Variants in EXTL3 observed in about 807,000 individuals in gnomAD.
The protein encoded by EXTL3 is exostosin-like 3.
EXTL3 carries 27 observed loss-of-function variants against 69.3 expected under a neutral mutation model. The ratio of observed to expected loss-of-function variants is 0.39; its 90% CI spans 0.29 to 0.54. EXTL3 has a LOEUF of 0.54. Ranked by LOEUF, EXTL3 falls within the 20% of genes least tolerant of loss-of-function variation. The pLI, the probability that EXTL3 is intolerant of heterozygous loss-of-function variation, is 0.69. For synonymous variants in EXTL3, 511 were observed against 499.4 expected (o/e 1.02, Z -0.31); for missense variants, 1,003 against 1,231.8 (o/e 0.81, Z 2.78).
At chr8:28,643,463 G>A (rs142689043) in intron 1 of EXTL3, among the ~76,000 whole-genome samples, 1,994 of 143,978 alleles carry the variant, frequency 0.014, 50 homozygotes, top group African/African-American at 0.051. Flanking sequence ...CGCCCAGGCC[G>A]GACTGCAGTG....
At chr8:28,738,266 C>T (rs949589921) in intron 5 of EXTL3, among the ~76,000 whole-genome samples, 1 of 152,136 alleles carries the variant, frequency 6.6e-6, no homozygotes, top group African/African-American at 2.4e-5. Context: ...TAAAGTGGCC[C>T]CTGACCACAA....
Position 28,743,126 on chromosome 8 carries a change from TC to T in EXTL3, c.2464del (p.Arg822GlyfsTer15). 2 of 1,614,174 alleles carry T rather than the reference TC, an allele frequency of 1.2e-6. No individual in the cohort carries two copies. Among genetic ancestry groups the T allele is most frequent in the Non-Finnish European group, 1.7e-6 (2 of 1,179,970 alleles). On this transcript the variant is annotated frameshift_variant, in exon 6 of 7. Coordinates refer to ENST00000220562, the MANE Select transcript of EXTL3 (RefSeq NM_001440.4). LOFTEE classifies it high-confidence loss of function. Reference protein sequence around the residue: ...YLYSYVMPQAIRDMVDEYINC... With the variant: ...YLYSYVMPQAXRDMVDEYINC... ...TATTCTTATGTGATGCCCCAGGCCA[TC>T]CGGGACATGGTGGATGAATACATCA... is the stretch of plus-strand genomic sequence containing the variant.
At chr8:28,730,625 C>G (rs1801515655) in intron 3 of EXTL3, among the ~76,000 whole-genome samples, 2 of 152,172 alleles carry the variant, frequency 1.3e-5, no homozygotes, top group Admixed American at 1.3e-4. Context: ...TTGGGATTTG[C>G]TGAAGACGCA....
chr8:28,716,727 G>A lies in EXTL3; in HGVS notation c.668G>A (p.Arg223Gln), dbSNP rs770418802. ...AAGCAGGCTTTTCAGGCGACAGCAC[G>A]AGCTAACGTTTATGTTACAGAAAAT... ...LVKQAFQATA[R>Q]ANVYVTENAD... The change falls in exon 3 of 7, where the codon CGA becomes CAA. Residue 223 changes from arginine to glutamine, a missense_variant. Arg to Gln is a conservative substitution (Grantham distance 43). Coordinates refer to ENST00000220562, the MANE Select transcript of EXTL3 (RefSeq NM_001440.4). The surrounding 1 kb of genome is among the most constrained non-coding windows in gnomAD (Gnocchi z 7.1). 10 of 1,614,098 alleles carry A rather than the reference G, an allele frequency of 6.2e-6. No homozygotes were observed. The highest frequency in any genetic ancestry group is 1.3e-5 in the African/African-American group (1 of 74,928).
intron 2 of EXTL3, among the ~76,000 whole-genome samples, chr8:28,611,613 C>T (rs900837113): frequency 7.9e-5 from 12 of 152,098 alleles, no homozygotes; most frequent in African/African-American, 2.7e-4. Flanking sequence ...GCTTTCACAG[C>T]GAGAGGGGTG....
chr8:28,716,696 T>G lies in EXTL3; in HGVS notation c.637T>G (p.Leu213Val), dbSNP rs569422474. ...QFVFGSYLDP[L>V]VKQAFQATAR... The stretch of plus-strand genomic sequence containing the variant: ...TGTCTTTGGCAGCTACCTGGATCCC[T>G]TGGTCAAGCAGGCTTTTCAGGCGAC... Residue 213 changes from leucine to valine, a missense_variant, in exon 3 of 7, where the codon TTG becomes GTG. This residue lies in a region of EXTL3 where 742 missense variants were observed against 815.4 expected (regional missense o/e 0.91). Coordinates refer to ENST00000220562, the MANE Select transcript of EXTL3 (RefSeq NM_001440.4). This position sits in a 1 kb window ranked among gnomAD's most constrained non-coding sequence, Gnocchi z 7.1. 6.2e-7 allele frequency: 1 copy of G among 1,614,230 alleles called. No individual in the cohort carries two copies. Among genetic ancestry groups the G allele is most frequent in the African/African-American group, 1.3e-5 (1 of 75,054 alleles).
Position 28,718,158 on chromosome 8 carries a change from A to T in EXTL3, c.2099A>T (p.Lys700Met). Residue 700 changes from lysine (K) to methionine (M), a missense_variant, in exon 3 of 7, where the codon AAG becomes ATG. Transcript: ENST00000220562. ...GTCGTGGTGGTGTGGAATTCTCCCA[A>T]GCTGCCATCAGAGGACCTTCTGTGG... ...NKVVVVWNSP[K>M]LPSEDLLWPD... 1 of 1,614,140 alleles carries T rather than the reference A, an allele frequency of 6.2e-7. No individual in the cohort carries two copies.
At position 28,679,314 on chromosome 8, in the gene EXTL3, C is replaced by T. The variant is rs376263800; in HGVS notation, c.-52-34143C>T. Among the ~76,000 whole-genome samples, 5 of 152,014 alleles carry T rather than the reference C, an allele frequency of 3.3e-5. No homozygotes were observed. The East Asian group carries it at 5.8e-4, about 18-fold the overall frequency. On this transcript the variant is annotated intron_variant, in intron 1 of 6. Coordinates refer to the EXTL3 transcript ENST00000523149. ...TACAAAAATTATCTGAGTGTGGTGGCGCGTGCCTGTAGTCCCAGCTACTCG... is the reference window on the plus strand; with the variant it reads ...TACAAAAATTATCTGAGTGTGGTGGTGCGTGCCTGTAGTCCCAGCTACTCG...
chr8:28,660,510 A>G (rs970980413), intron 1 of EXTL3, among the ~76,000 whole-genome samples: 12 of 152,216 alleles, frequency 7.9e-5, no homozygotes, highest in Admixed American at 5.2e-4. Flanking sequence ...ATATATATAC[A>G]CATACACACA....
At chr8:28,615,148 AG>A (rs1370583737) in intron 2 of EXTL3, among the ~76,000 whole-genome samples, 1 of 152,112 alleles carries the variant, frequency 6.6e-6, no homozygotes, top group African/African-American at 2.4e-5. Flanking sequence ...ACGTTTCTTA[AG>A]ATGTATTTTA....
chr8:28,611,052 G>A (rs1806265821), intron 2 of EXTL3, among the ~76,000 whole-genome samples: 1 of 152,162 alleles, frequency 6.6e-6, no homozygotes, highest in African/African-American at 2.4e-5. Flanking sequence ...ACATCTGTTT[G>A]ATGCTGTTCT....
chr8:28,710,590 T>A, intron 1 of EXTL3: 1 of 393,888 alleles, frequency 2.5e-6, no homozygotes, highest in Non-Finnish European at 4.9e-6. Context: ...TGAGAGATTT[T>A]TTTTTTGTAG....
At chr8:28,678,732 A>G (rs979568806) in intron 1 of EXTL3, among the ~76,000 whole-genome samples, 1 of 152,206 alleles carries the variant, frequency 6.6e-6, no homozygotes, top group Non-Finnish European at 1.5e-5. Flanking sequence ...CATCGCTTCA[A>G]TACTGTGGAG....
chr8:28,723,011 T>C (rs1279155502), intron 3 of EXTL3, among the ~76,000 whole-genome samples: 1 of 152,136 alleles, frequency 6.6e-6, no homozygotes, highest in Non-Finnish European at 1.5e-5. Context: ...ACTTTCTGGC[T>C]GGGGACTCCG....
At position 28,717,587 on chromosome 8, in the gene EXTL3, C is replaced by T. The variant is rs201109508; in HGVS notation, c.1528C>T (p.Arg510Trp). 78 of 1,614,238 alleles carry T rather than the reference C, an allele frequency of 4.8e-5. No homozygotes were observed. Among genetic ancestry groups the T allele is most frequent in the South Asian group, 1.1e-4 (10 of 91,078 alleles). ...LSDSDLLAMR[R>W]QGRFLWETYF... Reference sequence around the variant, plus strand: ...CGATAGTGACCTCCTGGCTATGAGGCGGCAAGGCCGCTTTCTCTGGGAGAC... The same window carrying T: ...CGATAGTGACCTCCTGGCTATGAGGTGGCAAGGCCGCTTTCTCTGGGAGAC... Residue 510 changes from arginine to tryptophan, a missense_variant, in exon 3 of 7, where the codon CGG (arginine) becomes TGG (tryptophan). Arg to Trp is a moderately radical substitution (Grantham distance 101). Transcript: ENST00000220562. The surrounding 1 kb of genome is among the most constrained non-coding windows in gnomAD (Gnocchi z 8.3).
chr8:28,752,693 T>C lies in EXTL3; in HGVS notation c.*1827T>C, dbSNP rs1275885941. ...CTCCCCTGCTGAGGCAGTGTGGTTA[T>C]GTTCCCAGCAGTGGGGGTCAGACGC... On this transcript the variant is annotated 3_prime_UTR_variant, in exon 7 of 7. Coordinates refer to ENST00000220562, the MANE Select transcript of EXTL3 (RefSeq NM_001440.4). 6.5e-6 allele frequency: 1 copy of C among 152,858 alleles called. No homozygotes were observed. 9.5% of individuals were successfully genotyped at this position (152,858 alleles called of 1,614,324 possible). A position where few individuals can be genotyped will look rare whatever the true frequency, so the allele number is the denominator to read the frequency against.
At chr8:28,645,823 C>T (rs890942892) in intron 1 of EXTL3, among the ~76,000 whole-genome samples, 2 of 137,542 alleles carry the variant, frequency 1.5e-5, no homozygotes, top group African/African-American at 5.9e-5. Flanking sequence ...GCCACTGCAC[C>T]TGGACTTTTT....
rs1801194482 is a variant in EXTL3 at position 28,717,727 on chromosome 8, T to G, written c.1668T>G (p.Arg556=). 2 of 1,614,222 alleles carry G rather than the reference T, an allele frequency of 1.2e-6. No homozygotes were observed. Among genetic ancestry groups the G allele is most frequent in the Non-Finnish European group, 1.7e-6 (2 of 1,180,032 alleles). Reference sequence around the variant, plus strand: ...AGGCGGCAGCTGAGATCCCCCACCGTTCAGGCAAGGCGGCTGGAACTGACC... The same window carrying G: ...AGGCGGCAGCTGAGATCCCCCACCGGTCAGGCAAGGCGGCTGGAACTGACC... ...REEAAAEIPH[R]SGKAAGTDPN... The change falls in exon 3 of 7, where the codon CGT becomes CGG. Residue 556 remains arginine, a synonymous_variant. Coordinates refer to ENST00000220562, the MANE Select transcript of EXTL3 (RefSeq NM_001440.4). The surrounding 1 kb of genome is among the most constrained non-coding windows in gnomAD (Gnocchi z 8.3).
At chr8:28,720,037 T>C (rs1216020450) in intron 3 of EXTL3, among the ~76,000 whole-genome samples, 1 of 152,228 alleles carries the variant, frequency 6.6e-6, no homozygotes, top group Non-Finnish European at 1.5e-5. Context: ...AAGTTTTTTT[T>C]CTGGTCCTTT....
Sources: gnomAD v4.1 joint callset for allele counts (sites outside exome capture counted in the v4.1 genomes callset) on GRCh38, gnomAD v4.1.1 for gene constraint, gnomAD v4.1.1 regional missense constraint, Gnocchi (gnomAD v3.1) non-coding constraint, MANE v1.5 for transcripts, NCBI Gene and HGNC (gene_info 2026-07-23, HGNC 2026-07-21) for gene names.